The following NNT variants were observed in gnomAD, a reference collection of about 807,000 sequenced individuals.
NNT encodes NAD(P) transhydrogenase, mitochondrial.
In NNT, 50 loss-of-function variants were observed where a neutral mutation model predicts 104.8. The ratio of observed to expected loss-of-function variants is 0.48; its 90% CI spans 0.38 to 0.60. The LOEUF (loss-of-function observed/expected upper bound fraction) is 0.60. Ranked by LOEUF, NNT falls within the 20% of genes least tolerant of loss-of-function variation. The probability of loss-of-function intolerance (pLI) is 0.00; values close to 1 mark genes in which losing one functional copy is unlikely to be tolerated. For synonymous variants in NNT, 461 were observed against 490.4 expected (o/e 0.94, Z 0.79); for missense variants, 1,131 against 1,330.7 (o/e 0.85, Z 2.33).
chr5:43,686,395 T>C (rs1741992609), intron 19 of NNT, among the ~76,000 whole-genome samples: 1 of 152,098 alleles, frequency 6.6e-6, no homozygotes. Flanking sequence ...AATAAATGTG[T>C]ATTTGAATGT....
intron 11 of NNT, 88 bp downstream of exon 11, chr5:43,649,396 G>A (rs1236494525): frequency 1.4e-6 from 2 of 1,463,454 alleles, no homozygotes; most frequent in Non-Finnish European, 1.9e-6. Context: ...TATAAAGTGT[G>A]TTTTCAAGTT....
At chr5:43,691,070 AGTGT>A (rs56075202) in intron 19 of NNT, among the ~76,000 whole-genome samples, 3,095 of 137,332 alleles carry the variant, frequency 0.023, 44 homozygotes, top group African/African-American at 0.051. Context: ...TTTTTGAGAG[AGTGT>A]GTGTGTGTGT....
chr5:43,688,079 T>C (rs919997779), intron 19 of NNT, among the ~76,000 whole-genome samples: 1 of 152,194 alleles, frequency 6.6e-6, no homozygotes, highest in Non-Finnish European at 1.5e-5. Context: ...GAGAGCTTTG[T>C]GGTAGGCAGA....
chr5:43,640,715 A>G (rs922850891), intron 7 of NNT, among the ~76,000 whole-genome samples: 1 of 151,174 alleles, frequency 6.6e-6, no homozygotes, highest in Non-Finnish European at 1.5e-5. Flanking sequence ...TTTGTTTTTC[A>G]CTTATCTATA....
intron 6 of NNT, among the ~76,000 whole-genome samples, chr5:43,625,745 A>G (rs897084936): frequency 6.6e-6 from 1 of 152,158 alleles, no homozygotes; most frequent in Non-Finnish European, 1.5e-5. Flanking sequence ...AAGTTTAAAT[A>G]TATAAAATCC....
chr5:43,692,425 G>A (rs1241847602), intron 19 of NNT, among the ~76,000 whole-genome samples: 1 of 152,126 alleles, frequency 6.6e-6, no homozygotes, highest in Non-Finnish European at 1.5e-5. Flanking sequence ...CCGGGTTCAA[G>A]CAATTATCTT....
chr5:43,611,633 A>G (rs930816348), intron 2 of NNT, among the ~76,000 whole-genome samples: 7 of 152,178 alleles, frequency 4.6e-5, no homozygotes. Context: ...GTAGTGTGGA[A>G]TCTAAGACAG....
At chr5:43,689,770 C>T (rs1258731630) in intron 19 of NNT, among the ~76,000 whole-genome samples, 1 of 152,002 alleles carries the variant, frequency 6.6e-6, no homozygotes, top group African/African-American at 2.4e-5. Context: ...AAACATGATG[C>T]AGGATATGAA....
At chr5:43,655,809 G>C (rs750906687) in intron 14 of NNT, 31 bp from the exon 15 acceptor site, 5 of 1,543,182 alleles carry the variant, frequency 3.2e-6, no homozygotes, top group Non-Finnish European at 4.5e-6. Flanking sequence ...AGTTTGTCAA[G>C]TTTTAATTTA....
rs775696364 is a variant in NNT at position 43,609,307 on chromosome 5, A to G, written c.112A>G (p.Thr38Ala). The change falls in exon 2 of 22, where the codon ACT becomes GCT. Residue 38 changes from threonine (T) to alanine (A), a missense_variant. Thr to Ala is a moderately conservative substitution (Grantham distance 58, BLOSUM62 0). Transcript: ENST00000344920. ...VKKDFLRTFY[T>A]HQELWCKAPV... The stretch of plus-strand genomic sequence containing the variant: ...GAAGGATTTTTTACGAACATTTTAT[A>G]CTCACCAAGAACTGTGGTGTAAAGC... 1.9e-6 allele frequency: 3 copies of G among 1,614,076 alleles called. No individual in the cohort carries two copies. The highest frequency in any genetic ancestry group is 2.5e-6 in the Non-Finnish European group (3 of 1,179,982).
rs375405207 is a variant in NNT, at chr5:43,707,310, A to G, written c.*2906A>G. ...GTGATAACTAATTGAGGTAATGCAC[A>G]TATTAATTAGAAAGATTTTGTCATT... On this transcript the variant is annotated 3_prime_UTR_variant, in exon 22 of 22. Coordinates refer to ENST00000344920, the MANE Select transcript of NNT (RefSeq NM_182977.3). 4 of 152,330 alleles carry G rather than the reference A, an allele frequency of 2.6e-5. No individual in the cohort carries two copies. In the South Asian group the frequency reaches 8.3e-4, roughly 32 times the overall value. 9.4% of individuals were successfully genotyped at this position (152,330 alleles called of 1,614,324 possible).
At chr5:43,635,189 T>C (rs1051974195) in intron 7 of NNT, among the ~76,000 whole-genome samples, 1 of 152,292 alleles carries the variant, frequency 6.6e-6, no homozygotes, top group East Asian at 1.9e-4. Context: ...AATCCAACAA[T>C]GCATAATGGC....
intron 10 of NNT, among the ~76,000 whole-genome samples, chr5:43,648,941 G>A (rs1382258139): frequency 6.6e-6 from 1 of 152,034 alleles, no homozygotes; most frequent in East Asian, 1.9e-4. Flanking sequence ...TTATTTTGGG[G>A]GGGTGGTCAG....
chr5:43,698,064 G>T (rs1282981170), intron 19 of NNT, among the ~76,000 whole-genome samples: 1 of 151,658 alleles, frequency 6.6e-6, no homozygotes, highest in Non-Finnish European at 1.5e-5. Flanking sequence ...ATGAGGTGGA[G>T]TTTCTCTTTG....
At position 43,604,741 on chromosome 5, in the gene NNT, G is replaced by A. The variant is rs953666242; in HGVS notation, c.-54+1447G>A. Among the ~76,000 whole-genome samples the A allele has an allele frequency of 2.0e-5, 3 of 152,096 alleles. No individual in the cohort carries two copies. In the South Asian group the frequency reaches 6.2e-4, roughly 32 times the overall value. On this transcript the variant is annotated intron_variant, in intron 1 of 21. Coordinates refer to ENST00000344920, the MANE Select transcript of NNT (RefSeq NM_182977.3). ...AGCTGGAGTACAGTGGCACAATCAC[G>A]GCTTACTGCAGCCTGGAACTCCTGG...
In NNT at chr5:43,673,186, G is replaced by T. The variant is rs900436470; in HGVS notation, c.2635-2325G>T. ...GATTTTCCGGGTGCCCTCCATCACC[G>T]CTTCCCTTGGCTAGGAAAGGGTATT... On this transcript the variant is annotated intron_variant, in intron 17 of 21. Coordinates refer to ENST00000344920, the MANE Select transcript of NNT (RefSeq NM_182977.3). Among the ~76,000 whole-genome samples the T allele has an allele frequency of 5.9e-5, 9 of 152,176 alleles. No homozygotes were observed. In the East Asian group the frequency reaches 1.3e-3, roughly 23 times the overall value.
At chr5:43,639,390 A>G (rs1751102811) in intron 7 of NNT, among the ~76,000 whole-genome samples, 1 of 152,176 alleles carries the variant, frequency 6.6e-6, no homozygotes, top group African/African-American at 2.4e-5. Context: ...CAGTCAATTC[A>G]TGGTGCACAT....
At chr5:43,620,308 C>A (rs1750012667) in intron 5 of NNT, among the ~76,000 whole-genome samples, 1 of 152,054 alleles carries the variant, frequency 6.6e-6, no homozygotes, top group Non-Finnish European at 1.5e-5. Context: ...CAAGCTCCAC[C>A]TCCCGGGTTC....
chr5:43,662,635 G>T (rs1740430423), intron 17 of NNT, among the ~76,000 whole-genome samples: 1 of 152,180 alleles, frequency 6.6e-6, no homozygotes, highest in Non-Finnish European at 1.5e-5. Flanking sequence ...GCTCATGCCT[G>T]TAATTCTAGC....
Sources: allele counts gnomAD v4.1 joint callset (sites outside exome capture counted in the v4.1 genomes callset), GRCh38; gene constraint gnomAD v4.1.1; transcripts MANE v1.5; gene names NCBI Gene and HGNC (gene_info 2026-07-23, HGNC 2026-07-21).